The following LIPI variants were observed in gnomAD, a reference collection of about 807,000 sequenced individuals.
LIPI encodes lipase I.
Under a neutral mutation model 50.6 loss-of-function variants are expected in LIPI, and 59 were observed. The ratio of observed to expected loss-of-function variants is 1.16; its 90% confidence interval spans 0.94 to 1.45. The LOEUF (loss-of-function observed/expected upper bound fraction) is 1.45, where lower values mean the gene tolerates loss of function less well. Ranked by LOEUF, LIPI falls within the 40% of genes most tolerant of loss-of-function variation. The probability of loss-of-function intolerance (pLI) is 0.00; values close to 1 mark genes in which losing one functional copy is unlikely to be tolerated. For missense variants in LIPI, 586 were observed against 536.3 expected (o/e 1.09, Z -0.92); for synonymous variants, 203 against 178.2 (o/e 1.14, Z -1.11).
chr21:14,136,403 T>A (rs1267261048), intron 9 of LIPI, among the ~76,000 whole-genome samples: 4 of 152,100 alleles, frequency 2.6e-5, no homozygotes, highest in African/African-American at 7.2e-5. Flanking sequence ...AAATTGGGAC[T>A]TAAGGGAAAA....
chr21:14,177,603 C>T (rs1376247286), intron 4 of LIPI, among the ~76,000 whole-genome samples: 1 of 152,066 alleles, frequency 6.6e-6, no homozygotes. Flanking sequence ...AAAGATTCAA[C>T]ATGAATACTA....
intron 9 of LIPI, among the ~76,000 whole-genome samples, chr21:14,109,901 C>A (rs892463821): frequency 1.3e-5 from 2 of 151,478 alleles, no homozygotes; most frequent in African/African-American, 2.4e-5. Context: ...ATTTTGATAT[C>A]TTTTTTATCT....
intron 9 of LIPI, among the ~76,000 whole-genome samples, chr21:14,122,594 A>C (rs1034141967): frequency 6.6e-6 from 1 of 152,226 alleles, no homozygotes; most frequent in Non-Finnish European, 1.5e-5. Flanking sequence ...AGATCATAAT[A>C]GAAGAACCAG....
chr21:14,188,566 T>TC (rs2019536168), intron 2 of LIPI, among the ~76,000 whole-genome samples: 1 of 31,774 alleles, frequency 3.1e-5, no homozygotes, highest in African/African-American at 9.1e-5. Context: ...AGAACCTGTC[T>TC]CAAAAAAAAA....
At chr21:14,198,420 G>A (rs1005526185) in intron 1 of LIPI, among the ~76,000 whole-genome samples, 1 of 152,034 alleles carries the variant, frequency 6.6e-6, no homozygotes, top group African/African-American at 2.4e-5. Flanking sequence ...AAGGGATGGA[G>A]AAGAATCTAC....
chr21:14,121,409 C>T lies in LIPI; in HGVS notation c.1296-12329G>A, dbSNP rs191309814. Among the ~76,000 whole-genome samples, 335 of 152,258 alleles carry T rather than the reference C, an allele frequency of 2.2e-3. 1 individual carries two copies. The highest frequency in any genetic ancestry group is 7.4e-3 in the African/African-American group (308 of 41,564). On this transcript the variant is annotated intron_variant, in intron 9 of 9. Coordinates refer to ENST00000681601, the MANE Select transcript of LIPI (RefSeq NM_001302998.2). ...TCAGGTGTACCCCTACTACATTAAA[C>T]GGGTATTCACCCTATGAGATAGTGT...
intron 7 of LIPI, among the ~76,000 whole-genome samples, chr21:14,154,913 C>T (rs909904557): frequency 6.6e-6 from 1 of 151,792 alleles, no homozygotes; most frequent in African/African-American, 2.4e-5. Flanking sequence ...TCAAAAATTG[C>T]CCATAATACC....
At position 14,163,507 on chromosome 21, in the gene LIPI, T is replaced by C. The variant is rs1454004679; in HGVS notation, c.918A>G (p.Leu306=). The C allele has an allele frequency of 2.6e-6, 4 of 1,558,858 alleles. No individual in the cohort carries two copies. The highest frequency in any genetic ancestry group is 3.5e-6 in the Non-Finnish European group (4 of 1,130,080). ...TCCTTTCTTTTAAAACACCTTTAAA[T>C]AGCTTGGCTTGATAACCTGAGATTT... ...SCPRLGYQAK[L]FKGVLKERME... Residue 306 remains leucine (L), a synonymous_variant, in exon 7 of 10, where the codon CTA becomes CTG. Coordinates refer to ENST00000681601, the MANE Select transcript of LIPI (RefSeq NM_001302998.2).
At chr21:14,180,411 T>C (rs371716013) in intron 4 of LIPI, among the ~76,000 whole-genome samples, 3 of 152,330 alleles carry the variant, frequency 2.0e-5, no homozygotes, top group East Asian at 3.9e-4. Flanking sequence ...GTGGTCCTAC[T>C]GATATGTGAT....
intron 3 of LIPI, among the ~76,000 whole-genome samples, chr21:14,183,075 T>C (rs1433288016): frequency 6.6e-6 from 1 of 151,456 alleles, no homozygotes; most frequent in Non-Finnish European, 1.5e-5. Flanking sequence ...CTTCAAACTA[T>C]GCTACAAGGC....
chr21:14,129,809 TA>T (rs199899861), intron 9 of LIPI, among the ~76,000 whole-genome samples: 22,574 of 136,282 alleles, frequency 0.17, 1,965 homozygotes, highest in East Asian at 0.43. Flanking sequence ...TTTTTTTTTT[TA>T]AAAAAAAAAA....
In LIPI at chr21:14,165,344, G is replaced by A; in HGVS notation, c.780C>T (p.Phe260=). ...KCNHQRAVHL[F]MASLETNCNF... is the part of the protein sequence containing the mutation. Reference sequence around the variant, plus strand: ...TGCAGTTTGTTTCTAAAGATGCCATGAACAAGTGAACTGCTCTCTGGTGGT... The same window carrying A: ...TGCAGTTTGTTTCTAAAGATGCCATAAACAAGTGAACTGCTCTCTGGTGGT... The change falls in exon 6 of 10, where the codon TTC becomes TTT. Residue 260 remains phenylalanine (F), a synonymous_variant. Coordinates refer to ENST00000681601, the MANE Select transcript of LIPI (RefSeq NM_001302998.2). The A allele has an allele frequency of 1.2e-6, 2 of 1,612,186 alleles. No homozygotes were observed. Among genetic ancestry groups the A allele is most frequent in the Non-Finnish European group, 1.7e-6 (2 of 1,178,688 alleles).
At position 14,119,109 on chromosome 21, in the gene LIPI, G is replaced by A. The variant is rs770470714; in HGVS notation, c.1296-10029C>T. ...TGCATCCAATTAGCCCCTGTAAGCC[G>A]AGACATTTTTGCCTTTGATTGGGCC... On this transcript the variant is annotated intron_variant, in intron 9 of 9. Coordinates refer to ENST00000681601, the MANE Select transcript of LIPI (RefSeq NM_001302998.2). Among the ~76,000 whole-genome samples the A allele has an allele frequency of 7.9e-5, 12 of 152,268 alleles. No homozygotes were observed. The South Asian group carries it at 1.7e-3, about 21-fold the overall frequency.
At chr21:14,161,617 T>C (rs1321483783) in intron 7 of LIPI, among the ~76,000 whole-genome samples, 2 of 113,184 alleles carry the variant, frequency 1.8e-5, no homozygotes, top group African/African-American at 3.6e-5. Flanking sequence ...ATAATATACA[T>C]ATATAATATA....
intron 4 of LIPI, among the ~76,000 whole-genome samples, chr21:14,168,403 A>T (rs2018769893): frequency 6.6e-6 from 1 of 152,192 alleles, no homozygotes; most frequent in Admixed American, 6.5e-5. Flanking sequence ...ACTCCAAGAC[A>T]CACAATTGTC....
intron 8 of LIPI, among the ~76,000 whole-genome samples, chr21:14,152,358 G>A (rs1184592178): frequency 6.6e-6 from 1 of 152,090 alleles, no homozygotes; most frequent in Non-Finnish European, 1.5e-5. Flanking sequence ...AAAGTCACTA[G>A]TTGTTTAGAG....
chr21:14,204,503 A>G (rs1351595147), intron 1 of LIPI, among the ~76,000 whole-genome samples: 1 of 152,022 alleles, frequency 6.6e-6, no homozygotes, highest in Non-Finnish European at 1.5e-5. Flanking sequence ...AATAATCTCA[A>G]TACAATAACT....
At chr21:14,115,832 C>T (rs140688530) in intron 9 of LIPI, among the ~76,000 whole-genome samples, 111 of 152,228 alleles carry the variant, frequency 7.3e-4, no homozygotes, top group African/African-American at 2.4e-3. Flanking sequence ...TCCCAGGGAA[C>T]GACCACTTAT....
intron 7 of LIPI, among the ~76,000 whole-genome samples, chr21:14,154,588 A>T (rs1398980149): frequency 3.9e-5 from 6 of 152,070 alleles, no homozygotes; most frequent in Admixed American, 2.0e-4. Flanking sequence ...ATGGAAGGAA[A>T]ATACTACAGG....
Sources: gnomAD v4.1 joint callset for allele counts (sites outside exome capture counted in the v4.1 genomes callset) on GRCh38, gnomAD v4.1.1 for gene constraint, MANE v1.5 for transcripts, NCBI Gene and HGNC (gene_info 2026-07-23, HGNC 2026-07-21) for gene names.